The following PUM3 variants were observed in gnomAD, a reference collection of about 807,000 sequenced individuals.
The protein encoded by PUM3 is pumilio homolog 3.
A neutral mutation model predicts 84.0 loss-of-function variants in PUM3; 91 were observed. The ratio of observed to expected loss-of-function variants is 1.08; its 90% CI spans 0.91 to 1.29. The LOEUF (loss-of-function observed/expected upper bound fraction) is 1.29, where lower values mean the gene tolerates loss of function less well. Ranked by LOEUF, PUM3 falls within the 50% of genes most tolerant of loss-of-function variation. PUM3 has a pLI of 0.00. For missense variants in PUM3, 1,067 were observed against 767.5 expected, an observed-to-expected ratio of 1.39 and a Z score of -4.61; for synonymous variants, 321 against 266.7, an observed-to-expected ratio of 1.20 and a Z score of -1.98.
Position 2,827,123 on chromosome 9 carries a change from G to A in PUM3, c.985C>T (p.His329Tyr), listed in dbSNP as rs766660254. ...GTAAAAAAGTCCAAGAATACTTTATGCACCAATGAGTGCTTAATCACAGCT... is the reference window on the plus strand; with the variant it reads ...GTAAAAAAGTCCAAGAATACTTTATACACCAATGAGTGCTTAATCACAGCT... ...KEAVIKHSLVHKVFLDFFTYA... is the reference protein window; with the variant it reads ...KEAVIKHSLVYKVFLDFFTYA... The change falls in exon 10 of 18, where the codon CAT becomes TAT. Residue 329 changes from histidine (H) to tyrosine (Y), a missense_variant. His to Tyr is a moderately conservative substitution (Grantham distance 83). Coordinates refer to ENST00000397885, the MANE Select transcript of PUM3 (RefSeq NM_014878.5). 3 of 1,609,754 alleles carry A rather than the reference G, an allele frequency of 1.9e-6. No individual in the cohort carries two copies. Among genetic ancestry groups the A allele is most frequent in the Admixed American group, 1.7e-5 (1 of 59,424 alleles).
intron 17 of PUM3, 94 bp downstream of exon 17, chr9:2,807,720 G>T: frequency 1.3e-6 from 1 of 763,914 alleles, no homozygotes; most frequent in South Asian, 1.6e-5. Flanking sequence ...TTAGACTACT[G>T]AGAACAAATA....
chr9:2,831,818 CA>C (rs1815989484), intron 5 of PUM3, among the ~76,000 whole-genome samples: 1 of 152,138 alleles, frequency 6.6e-6, no homozygotes, highest in South Asian at 2.1e-4. Context: ...GAAATAAATA[CA>C]ACTATGTCCA....
Position 2,831,260 on chromosome 9 carries a change from C to A in PUM3, c.601G>T (p.Glu201Ter). The change falls in exon 6 of 18, where the codon GAA (glutamate) becomes TAA (stop). Residue 201 changes from glutamate (E) to a stop codon, truncating the protein, a stop_gained. Transcript: ENST00000397885. LOFTEE classifies it high-confidence loss of function. ...AGTATGTAATAAATACCTCGCAATTCTTCAAAAGCCTGTTTTCTCTGTTCT... is the reference window on the plus strand; with the variant it reads ...AGTATGTAATAAATACCTCGCAATTATTCAAAAGCCTGTTTTCTCTGTTCT... ...NEEQRKQAFE[E>*]LRDDLVELSK... The A allele has an allele frequency of 6.3e-7, 1 of 1,590,984 alleles. No homozygotes were observed. Among genetic ancestry groups the A allele is most frequent in the Non-Finnish European group, 8.6e-7 (1 of 1,162,204 alleles).
At position 2,830,072 on chromosome 9, in the gene PUM3, T is replaced by G. The variant is rs181456307; in HGVS notation, c.678-124A>C. ...GTGTCACTCTGAGGAGTAAATGAGC[T>G]AGCATGCATTGAGAAGCTGTGGCCA... On this transcript the variant is annotated intron_variant, in intron 7 of 17. Coordinates refer to ENST00000397885, the MANE Select transcript of PUM3 (RefSeq NM_014878.5). 251 of 733,990 alleles carry G rather than the reference T, an allele frequency of 3.4e-4. 1 individual carries two copies. In the East Asian group the frequency reaches 6.2e-3, roughly 18 times the overall value. 45.5% of individuals were successfully genotyped at this position (733,990 alleles called of 1,614,324 possible).
chr9:2,814,864 C>T (rs770254193), intron 13 of PUM3, among the ~76,000 whole-genome samples: 1 of 152,144 alleles, frequency 6.6e-6, no homozygotes, highest in South Asian at 2.1e-4. Context: ...AATGGCTACT[C>T]TACACTTTTA....
At chr9:2,830,531 T>G (rs1815948328) in intron 7 of PUM3, among the ~76,000 whole-genome samples, 1 of 152,216 alleles carries the variant, frequency 6.6e-6, no homozygotes, top group African/African-American at 2.4e-5. Context: ...AGTTAATTAT[T>G]CTATTTCTCT....
intron 12 of PUM3, among the ~76,000 whole-genome samples, chr9:2,822,251 A>G (rs1815664595): frequency 6.6e-6 from 1 of 152,174 alleles, no homozygotes. Context: ...ACTGTCAACT[A>G]CTTTGATCTA....
At chr9:2,806,490 T>C (rs1408149075) in intron 17 of PUM3, among the ~76,000 whole-genome samples, 1 of 152,236 alleles carries the variant, frequency 6.6e-6, no homozygotes, top group African/African-American at 2.4e-5. Flanking sequence ...GCATAGCATG[T>C]TGCAAGTAAA....
chr9:2,827,426 T>C (rs897882816), intron 9 of PUM3, among the ~76,000 whole-genome samples: 2 of 152,238 alleles, frequency 1.3e-5, no homozygotes, highest in Admixed American at 1.3e-4. Context: ...AAATATGCTC[T>C]GCTCTATTAA....
chr9:2,814,610 C>A (rs551410075), intron 13 of PUM3, among the ~76,000 whole-genome samples: 11 of 152,174 alleles, frequency 7.2e-5, no homozygotes, highest in African/African-American at 2.7e-4. Context: ...TAAGCTTTAA[C>A]CAACACATAA....
At chr9:2,821,076 G>T (rs923397708) in intron 12 of PUM3, among the ~76,000 whole-genome samples, 10 of 152,242 alleles carry the variant, frequency 6.6e-5, no homozygotes, top group Admixed American at 2.6e-4. Context: ...TAACGAAGTT[G>T]CTAACTGTAA....
At chr9:2,843,463 C>T (rs1816320490) in intron 1 of PUM3, among the ~76,000 whole-genome samples, 1 of 152,044 alleles carries the variant, frequency 6.6e-6, no homozygotes, top group African/African-American at 2.4e-5. Flanking sequence ...TGAAGTAGCA[C>T]AGACAGGCTG....
intron 16 of PUM3, among the ~76,000 whole-genome samples, chr9:2,808,413 A>G (rs1286008013): frequency 1.3e-5 from 2 of 152,230 alleles, no homozygotes; most frequent in African/African-American, 4.8e-5. Flanking sequence ...CAACGCTTAC[A>G]TACTCACAAA....
chr9:2,825,489 CTT>C (rs60258892), intron 10 of PUM3, among the ~76,000 whole-genome samples: 1 of 148,424 alleles, frequency 6.7e-6, no homozygotes. Flanking sequence ...TTTACATTTT[CTT>C]TTTTTTTTGG....
chr9:2,818,666 G>C (rs937673299), intron 13 of PUM3, among the ~76,000 whole-genome samples: 20 of 152,114 alleles, frequency 1.3e-4, no homozygotes, highest in Non-Finnish European at 2.6e-4. Flanking sequence ...AAAGTCACAA[G>C]GAACATGTCA....
intron 5 of PUM3, among the ~76,000 whole-genome samples, chr9:2,831,670 T>A (rs1815985981): frequency 6.6e-6 from 1 of 152,170 alleles, no homozygotes; most frequent in Non-Finnish European, 1.5e-5. Flanking sequence ...ATTTCTTTGA[T>A]AAGTTACCGT....
At chr9:2,836,056 AG>A (rs1244504719) in intron 3 of PUM3, among the ~76,000 whole-genome samples, 4 of 152,162 alleles carry the variant, frequency 2.6e-5, no homozygotes, top group African/African-American at 9.7e-5. Flanking sequence ...TGAGGGAGAA[AG>A]AAAAAATGAA....
chr9:2,829,893 T>G lies in PUM3; in HGVS notation c.733A>C (p.Met245Leu), dbSNP rs1355580841. The G allele has an allele frequency of 6.2e-7, 1 of 1,614,066 alleles. No individual in the cohort carries two copies. The highest frequency in any genetic ancestry group is 2.2e-5 in the East Asian group (1 of 44,870). Residue 245 changes from methionine to leucine, a missense_variant, in exon 8 of 18, where the codon ATG (methionine) becomes CTG (leucine). Coordinates refer to ENST00000397885, the MANE Select transcript of PUM3 (RefSeq NM_014878.5). ...IRSFKGHVRKMLRHAEASAIV... is the reference protein window; with the variant it reads ...IRSFKGHVRKLLRHAEASAIV... ...GCTGATGCTTCCGCATGCCGCAGCA[T>G]CTTCCTCACGTGGCCTTTAAAACTT... is the stretch of plus-strand genomic sequence containing the variant.
Position 2,829,792 on chromosome 9 carries a change from G to A in PUM3, c.834C>T (p.Asn278=). The A allele has an allele frequency of 6.2e-7, 1 of 1,612,636 alleles. No homozygotes were observed. The highest frequency in any genetic ancestry group is 8.5e-7 in the Non-Finnish European group (1 of 1,179,044). Residue 278 remains asparagine, a synonymous_variant, in exon 8 of 18, where the codon AAC becomes AAT. Transcript: ENST00000397885. ...ATGTCACCTTGTAAAGCTGAAATGTGTTCCCATAGAGCTCTTCCGTCAGCA... is the reference window on the plus strand; with the variant it reads ...ATGTCACCTTGTAAAGCTGAAATGTATTCCCATAGAGCTCTTCCGTCAGCA... The part of the protein sequence containing the change: ...RNMLTEELYG[N]TFQLYKSADH...
Sources: allele counts gnomAD v4.1 joint callset (sites outside exome capture counted in the v4.1 genomes callset), GRCh38; gene constraint gnomAD v4.1.1; transcripts MANE v1.5; gene names NCBI Gene and HGNC (gene_info 2026-07-23, HGNC 2026-07-21).